Variants in NCAM2 observed in about 807,000 individuals in gnomAD.
NCAM2 encodes the protein neural cell adhesion molecule 2.
Under a neutral mutation model 98.1 loss-of-function variants are expected in NCAM2, and 30 were observed. The ratio of observed to expected loss-of-function variants is 0.31; its 90% CI spans 0.23 to 0.41. The LOEUF (loss-of-function observed/expected upper bound fraction) is 0.41. NCAM2 is among the 10% of genes least tolerant of loss of function. NCAM2 has a pLI of 1.00. For missense variants in NCAM2, 867 were observed against 1,005.8 expected, an observed-to-expected ratio of 0.86 and a Z score of 1.87; for synonymous variants, 368 against 342.4, an observed-to-expected ratio of 1.07 and a Z score of -0.83.
chr21:21,123,318 C>T (rs9980415), intron 1 of NCAM2, among the ~76,000 whole-genome samples: 35,717 of 151,320 alleles, frequency 0.24, 4,236 homozygotes, highest in Middle Eastern at 0.27. Flanking sequence ...GGCGTGAACC[C>T]GGGGGGAGGC....
chr21:21,060,169 A>G (rs1374294693), intron 1 of NCAM2, among the ~76,000 whole-genome samples: 6 of 152,078 alleles, frequency 3.9e-5, no homozygotes, highest in Non-Finnish European at 2.9e-5. Context: ...GTTAAATTTA[A>G]TTGGATTTAT....
intron 6 of NCAM2, among the ~76,000 whole-genome samples, chr21:21,331,509 C>CTAGATATATATATATA (rs748594575): frequency 2.0e-4 from 1 of 5,018 alleles, no homozygotes; most frequent in Non-Finnish European, 4.1e-4. Flanking sequence ...ACTCTATACT[C>CTAGATATATATATATA]TCTCTCTCTA....
chr21:21,324,355 A>G (rs1318089957), intron 5 of NCAM2, 28 bp from the exon 6 acceptor site: 11 of 1,563,528 alleles, frequency 7.0e-6, no homozygotes, highest in East Asian at 6.7e-5. Flanking sequence ...TTTCGTCTCT[A>G]TTTATTCTGT....
In NCAM2 at chr21:21,365,171, A is replaced by G. The variant is rs563219363; in HGVS notation, c.1045-8692A>G. Among the ~76,000 whole-genome samples, 10 of 152,184 alleles carry G rather than the reference A, an allele frequency of 6.6e-5. No homozygotes were observed. In the South Asian group the frequency reaches 2.1e-3, roughly 32 times the overall value. ...GGAGATGACAGAATTTCACACACAC[A>G]CAGAGAAATACCTCCGGAGATCTTC... is the stretch of plus-strand genomic sequence containing the variant. On this transcript the variant is annotated intron_variant, in intron 8 of 17. Coordinates refer to ENST00000400546, the MANE Select transcript of NCAM2 (RefSeq NM_004540.5).
intron 1 of NCAM2, among the ~76,000 whole-genome samples, chr21:21,268,079 CTTAT>C (rs1461207424): frequency 1.3e-5 from 2 of 152,120 alleles, no homozygotes; most frequent in East Asian, 3.9e-4. Flanking sequence ...CTTTGAACTG[CTTAT>C]TTAGAGAAAT....
At position 21,419,532 on chromosome 21, in the gene NCAM2, C is replaced by T. The variant is rs369386944; in HGVS notation, c.1480+963C>T. On this transcript the variant is annotated intron_variant, in intron 11 of 17. Transcript: ENST00000400546. ...TCCCTCCCCCCACCCCACAATAGTC[C>T]CTGGAGTGTGATGCTCCCCTTCCTG... 1.2e-4 allele frequency among the ~76,000 whole-genome samples: 15 copies of T among 127,500 alleles called. No homozygotes were observed. The South Asian group carries it at 4.2e-3, about 36-fold the overall frequency. The allele number at this position is 127,500 out of a possible 152,430, so 83.6% of individuals were successfully genotyped here.
At chr21:21,141,856 G>A (rs1210178169) in intron 1 of NCAM2, among the ~76,000 whole-genome samples, 1 of 152,146 alleles carries the variant, frequency 6.6e-6, no homozygotes, top group Non-Finnish European at 1.5e-5. Flanking sequence ...GTGGGAAATT[G>A]TATCTGAACA....
At chr21:21,285,598 T>TA (rs1372039009) in intron 3 of NCAM2, among the ~76,000 whole-genome samples, 1 of 151,852 alleles carries the variant, frequency 6.6e-6, no homozygotes, top group African/African-American at 2.4e-5. Context: ...TTTGCAAAGG[T>TA]AAAAAAAATT....
intron 1 of NCAM2, among the ~76,000 whole-genome samples, chr21:21,023,562 T>G (rs1055292996): frequency 7.9e-5 from 12 of 151,862 alleles, no homozygotes; most frequent in Admixed American, 7.9e-4. Context: ...GAAATTAATT[T>G]ATTGTGTGGT....
chr21:21,193,939 T>C (rs2068914716), intron 1 of NCAM2, among the ~76,000 whole-genome samples: 1 of 152,204 alleles, frequency 6.6e-6, no homozygotes, highest in Non-Finnish European at 1.5e-5. Flanking sequence ...TTTTTATTAA[T>C]CTTGATGATA....
At chr21:21,294,225 A>G (rs1383537581) in intron 5 of NCAM2, among the ~76,000 whole-genome samples, 1 of 151,718 alleles carries the variant, frequency 6.6e-6, no homozygotes, top group East Asian at 1.9e-4. Flanking sequence ...TATTATGATT[A>G]CATTCATTTT....
intron 1 of NCAM2, among the ~76,000 whole-genome samples, chr21:21,265,467 G>A: frequency 7.2e-6 from 1 of 138,058 alleles, no homozygotes; most frequent in Non-Finnish European, 1.5e-5. Context: ...TAATATATGT[G>A]TGTATATATA....
intron 1 of NCAM2, among the ~76,000 whole-genome samples, chr21:21,234,023 C>T (rs965342374): frequency 6.6e-6 from 1 of 151,706 alleles, no homozygotes; most frequent in Admixed American, 6.6e-5. Context: ...ATAATTTTTA[C>T]ATTTACAAGT....
chr21:21,344,170 A>G (rs1344210085), intron 8 of NCAM2, among the ~76,000 whole-genome samples: 1 of 152,184 alleles, frequency 6.6e-6, no homozygotes, highest in Admixed American at 6.5e-5. Context: ...CTTTCATGAA[A>G]GGACCCAGTC....
intron 9 of NCAM2, among the ~76,000 whole-genome samples, chr21:21,382,492 T>G (rs1197498232): frequency 6.7e-6 from 1 of 150,272 alleles, no homozygotes; most frequent in African/African-American, 2.5e-5. Context: ...GAGCCAATAG[T>G]GAAAGTTTTT....
chr21:21,045,544 A>T (rs2146275881), intron 1 of NCAM2, among the ~76,000 whole-genome samples: 1 of 152,202 alleles, frequency 6.6e-6, no homozygotes, highest in East Asian at 1.9e-4. Context: ...ACCTACTCGG[A>T]AAACTGAGGC....
At chr21:21,395,431 T>A (rs575408342) in intron 9 of NCAM2, among the ~76,000 whole-genome samples, 1 of 152,258 alleles carries the variant, frequency 6.6e-6, no homozygotes, top group African/African-American at 2.4e-5. Flanking sequence ...GTGGTTAGGT[T>A]TTGACCATAC....
intron 1 of NCAM2, among the ~76,000 whole-genome samples, chr21:21,154,097 G>A (rs932819895): frequency 6.6e-6 from 1 of 151,914 alleles, no homozygotes; most frequent in South Asian, 2.1e-4. Flanking sequence ...CATGTATATT[G>A]TCTGTTTGGC....
At chr21:21,238,724 G>A (rs763230005) in intron 1 of NCAM2, among the ~76,000 whole-genome samples, 22 of 152,084 alleles carry the variant, frequency 1.4e-4, no homozygotes, top group East Asian at 3.9e-4. Flanking sequence ...TGGTCATTTC[G>A]GTAATAAATA....
Sources: gnomAD v4.1 joint callset for allele counts (sites outside exome capture counted in the v4.1 genomes callset) on GRCh38, gnomAD v4.1.1 for gene constraint, MANE v1.5 for transcripts, NCBI Gene and HGNC (gene_info 2026-07-23, HGNC 2026-07-21) for gene names.